Variants in MACROD2 observed in about 807,000 individuals in gnomAD.
MACROD2 encodes mono-ADP ribosylhydrolase 2.
Under a neutral mutation model 70.4 loss-of-function variants are expected in MACROD2, and 36 were observed. The ratio of observed to expected loss-of-function variants is 0.51; its 90% CI spans 0.39 to 0.68. The LOEUF is 0.68. MACROD2 is among the 30% of genes least tolerant of loss of function. MACROD2 has a pLI of 0.00. For missense variants in MACROD2, 496 were observed against 538.4 expected, an observed-to-expected ratio of 0.92 and a Z score of 0.78; for synonymous variants, 172 against 178.8, an observed-to-expected ratio of 0.96 and a Z score of 0.30.
intron 5 of MACROD2, chr20:14,935,458 T>C (rs1346426279): frequency 2.0e-5 from 3 of 152,118 alleles, no homozygotes; most frequent in African/African-American, 7.2e-5. Context: ...GTGTTTGTTG[T>C]TGTATTTAGT....
intron 5 of MACROD2, among the ~76,000 whole-genome samples, chr20:14,856,378 C>A (rs2073255785): frequency 6.6e-6 from 1 of 151,820 alleles, no homozygotes; most frequent in Non-Finnish European, 1.5e-5. Context: ...AGCCAGCATT[C>A]AAAAAAAGGG....
At chr20:15,936,536 A>G (rs975997746) in intron 11 of MACROD2, among the ~76,000 whole-genome samples, 10 of 149,388 alleles carry the variant, frequency 6.7e-5, no homozygotes, top group Non-Finnish European at 1.3e-4. Flanking sequence ...CACACTATAA[A>G]TACTTTTTTC....
At chr20:14,776,725 A>G (rs2072239034) in intron 5 of MACROD2, among the ~76,000 whole-genome samples, 1 of 152,074 alleles carries the variant, frequency 6.6e-6, no homozygotes, top group African/African-American at 2.4e-5. Flanking sequence ...TAATATACAT[A>G]TTGGAATGTG....
intron 15 of MACROD2, among the ~76,000 whole-genome samples, chr20:16,039,433 G>A (rs2067278084): frequency 6.6e-6 from 1 of 151,710 alleles, no homozygotes; most frequent in African/African-American, 2.4e-5. Flanking sequence ...TTTTTAAAAG[G>A]CCTTATATAT....
intron 5 of MACROD2, among the ~76,000 whole-genome samples, chr20:15,167,643 A>G (rs564737030): frequency 1.1e-4 from 17 of 152,210 alleles, no homozygotes; most frequent in Non-Finnish European, 2.2e-4. Flanking sequence ...AGGTCAGAGC[A>G]GACCCTTTAG....
intron 2 of MACROD2, among the ~76,000 whole-genome samples, chr20:14,010,770 A>T (rs768782474): frequency 2.0e-5 from 3 of 151,974 alleles, no homozygotes; most frequent in Non-Finnish European, 4.4e-5. Context: ...TTTCTCCAGG[A>T]TCTGCATCTT....
At chr20:14,011,976 T>G (rs963702739) in intron 2 of MACROD2, among the ~76,000 whole-genome samples, 3 of 152,160 alleles carry the variant, frequency 2.0e-5, no homozygotes, top group Non-Finnish European at 4.4e-5. Context: ...TGGCATGATC[T>G]TAGCTCACTG....
Position 13,995,715 on chromosome 20 carries a change from C to G in MACROD2, c.-49C>G, listed in dbSNP as rs767248242. 1.9e-6 allele frequency: 3 copies of G among 1,601,258 alleles called. No homozygotes were observed. Among genetic ancestry groups the G allele is most frequent in the Non-Finnish European group, 2.6e-6 (3 of 1,169,696 alleles). ...CCACTCCACACACACCCTGTTTGCC[C>G]GTGAGCCTGGGGAACTTGCAGCTTA... On this transcript the variant is annotated 5_prime_UTR_variant, in exon 1 of 18. Coordinates refer to ENST00000684519, the MANE Select transcript of MACROD2 (RefSeq NM_001351661.2). The surrounding 1 kb of genome is among the most constrained non-coding windows in gnomAD (Gnocchi z 4.3).
chr20:15,652,015 G>A (rs535262699), intron 8 of MACROD2, among the ~76,000 whole-genome samples: 287 of 152,178 alleles, frequency 1.9e-3, no homozygotes, highest in Non-Finnish European at 3.6e-3. Flanking sequence ...GACTTATTGC[G>A]TGGCCATGGG....
In MACROD2 at chr20:14,374,209, G is replaced by A. The variant is rs148513811; in HGVS notation, c.272-119270G>A. On this transcript the variant is annotated intron_variant, in intron 3 of 17. Coordinates refer to ENST00000684519, the MANE Select transcript of MACROD2 (RefSeq NM_001351661.2). The stretch of plus-strand genomic sequence containing the variant: ...ATTTACACTTATAGCTTCTAACAAG[G>A]TATATTCTAAAAAGTTTTTACAAAT... Among the ~76,000 whole-genome samples, 7 of 152,124 alleles carry A rather than the reference G, an allele frequency of 4.6e-5. No individual in the cohort carries two copies. In the East Asian group the frequency reaches 1.4e-3, roughly 29 times the overall value.
intron 8 of MACROD2, among the ~76,000 whole-genome samples, chr20:15,670,733 T>C (rs2049968997): frequency 6.6e-6 from 1 of 152,210 alleles, no homozygotes; most frequent in South Asian, 2.1e-4. Context: ...TTTTAGTCAA[T>C]ATATTGAATA....
Position 14,326,943 on chromosome 20 carries a change from G to A in MACROD2, c.272-166536G>A, listed in dbSNP as rs373400980. 10 of 1,613,738 alleles carry A rather than the reference G, an allele frequency of 6.2e-6. No homozygotes were observed. Among genetic ancestry groups the A allele is most frequent in the Non-Finnish European group, 8.5e-6 (10 of 1,179,786 alleles). ...CTTGAAGAGATGGTGATGAAATAGT[G>A]GATATGCGATTATCATCCAAGCGTA... On this transcript the variant is annotated intron_variant, in intron 3 of 17. Transcript: ENST00000684519. The surrounding 1 kb of genome is among the most constrained non-coding windows in gnomAD (Gnocchi z 5.5).
At chr20:15,368,264 C>T (rs1318554519) in intron 6 of MACROD2, among the ~76,000 whole-genome samples, 1 of 151,904 alleles carries the variant, frequency 6.6e-6, no homozygotes, top group African/African-American at 2.4e-5. Context: ...GAGGCAGAGC[C>T]ATCAATTGGT....
At chr20:14,062,759 T>C (rs2053705319) in intron 2 of MACROD2, among the ~76,000 whole-genome samples, 1 of 152,184 alleles carries the variant, frequency 6.6e-6, no homozygotes, top group South Asian at 2.1e-4. Flanking sequence ...ACTTAGAGTT[T>C]AAAGTTAGAG....
chr20:14,448,490 A>G (rs2122977936), intron 3 of MACROD2, among the ~76,000 whole-genome samples: 1 of 152,084 alleles, frequency 6.6e-6, no homozygotes, highest in Admixed American at 6.5e-5. Context: ...CATCTTGGCC[A>G]ACATAGTGAA....
chr20:14,943,738 T>C (rs916060567), intron 5 of MACROD2, among the ~76,000 whole-genome samples: 7 of 152,176 alleles, frequency 4.6e-5, no homozygotes, highest in Non-Finnish European at 1.0e-4. Context: ...TAAATACCAA[T>C]AGTAGATTAT....
intron 3 of MACROD2, among the ~76,000 whole-genome samples, chr20:14,367,656 T>C (rs555899224): frequency 4.1e-4 from 63 of 152,346 alleles, no homozygotes; most frequent in South Asian, 6.2e-4. Flanking sequence ...ATCCCTTGTA[T>C]GTTGGATGAA....
At chr20:14,180,939 T>C (rs2081300264) in intron 3 of MACROD2, among the ~76,000 whole-genome samples, 1 of 145,112 alleles carries the variant, frequency 6.9e-6, no homozygotes, top group African/African-American at 2.5e-5. Flanking sequence ...GTGTTAATCA[T>C]ACTTTGACTT....
At chr20:15,974,756 A>G (rs890140422) in intron 13 of MACROD2, among the ~76,000 whole-genome samples, 5 of 152,172 alleles carry the variant, frequency 3.3e-5, no homozygotes, top group Non-Finnish European at 7.4e-5. Context: ...TAGTATTTTT[A>G]AAAAACAACA....
Sources: gnomAD v4.1 joint callset for allele counts (sites outside exome capture counted in the v4.1 genomes callset) on GRCh38, gnomAD v4.1.1 for gene constraint, Gnocchi (gnomAD v3.1) non-coding constraint, MANE v1.5 for transcripts, NCBI Gene and HGNC (gene_info 2026-07-23, HGNC 2026-07-21) for gene names.